The following HOMER1 variants were observed in gnomAD, a reference collection of about 807,000 sequenced individuals.
The protein encoded by HOMER1 is homer scaffold protein 1, also known as homer protein homolog 1.
Under a neutral mutation model 48.9 loss-of-function variants are expected in HOMER1, and 3 were observed. The observed-to-expected ratio is 0.06, with a 90% CI of 0.03 to 0.16. HOMER1 has a LOEUF of 0.16. Among genes scored for constraint, HOMER1 ranks in the 10% least tolerant of loss-of-function variants. The pLI is 1.00. For synonymous variants in HOMER1, 134 were observed against 146.4 expected (o/e 0.92, Z 0.61); for missense variants, 247 against 411.4 (o/e 0.60, Z 3.46).
At chr5:79,444,585 C>T (rs1045355499) in intron 4 of HOMER1, among the ~76,000 whole-genome samples, 6 of 152,092 alleles carry the variant, frequency 3.9e-5, no homozygotes, top group Non-Finnish European at 8.8e-5. Context: ...TCATTCCTTC[C>T]ACCAAAGAGG....
Position 79,440,882 on chromosome 5 carries a change from G to A in HOMER1, c.388-1733C>T, listed in dbSNP as rs542622702. Among the ~76,000 whole-genome samples the A allele has an allele frequency of 8.5e-5, 13 of 152,250 alleles. No individual in the cohort carries two copies. The East Asian group carries it at 1.2e-3, about 14-fold the overall frequency. On this transcript the variant is annotated intron_variant, in intron 4 of 8. Transcript: ENST00000334082. ...GAAATGATAACAGAAACAAGTTACC[G>A]GCCGGGACGTGGTGCCTCACGCCTG...
At chr5:79,447,234 T>A in intron 3 of HOMER1, 89 bp from the exon 4 acceptor site, 1 of 759,608 alleles carries the variant, frequency 1.3e-6, no homozygotes, top group Non-Finnish European at 2.3e-6. Flanking sequence ...ATTTTCTGAA[T>A]AACTGACTCT....
intron 1 of HOMER1, among the ~76,000 whole-genome samples, chr5:79,461,503 G>A (rs1384354921): frequency 1.3e-5 from 2 of 152,164 alleles, no homozygotes; most frequent in Non-Finnish European, 1.5e-5. Flanking sequence ...CAAACACTGT[G>A]TTATATTCTA....
intron 4 of HOMER1, among the ~76,000 whole-genome samples, chr5:79,441,741 A>C (rs1293822872): frequency 6.6e-6 from 1 of 151,964 alleles, no homozygotes; most frequent in Non-Finnish European, 1.5e-5. Context: ...AACAACAAAA[A>C]ATTCCAACAG....
intron 5 of HOMER1, among the ~76,000 whole-genome samples, chr5:79,436,458 A>C (rs1006450184): frequency 6.6e-6 from 1 of 152,238 alleles, no homozygotes; most frequent in Admixed American, 6.5e-5. Flanking sequence ...CTAATGAACT[A>C]TGTGACTTAC....
intron 1 of HOMER1, among the ~76,000 whole-genome samples, chr5:79,462,956 T>C (rs774328621): frequency 1.3e-5 from 2 of 152,214 alleles, no homozygotes; most frequent in South Asian, 2.1e-4. Context: ...TAAGTACAAA[T>C]GGCTACTGCA....
chr5:79,434,990 G>A (rs1387024135), intron 5 of HOMER1, among the ~76,000 whole-genome samples: 4 of 152,170 alleles, frequency 2.6e-5, no homozygotes, highest in Non-Finnish European at 5.9e-5. Flanking sequence ...CACAGTGGAG[G>A]AGGACTAGAT....
At chr5:79,502,164 T>C (rs1752611913) in intron 1 of HOMER1, among the ~76,000 whole-genome samples, 1 of 151,470 alleles carries the variant, frequency 6.6e-6, no homozygotes, top group African/African-American at 2.4e-5. Context: ...GGATTACAAG[T>C]GCACACCACC....
At chr5:79,486,266 A>C (rs1261642610) in intron 1 of HOMER1, among the ~76,000 whole-genome samples, 1 of 152,188 alleles carries the variant, frequency 6.6e-6, no homozygotes, top group African/African-American at 2.4e-5. Flanking sequence ...AAAATTGCAC[A>C]TTTGTAAGCT....
At chr5:79,440,837 G>A (rs1750717570) in intron 4 of HOMER1, among the ~76,000 whole-genome samples, 1 of 152,174 alleles carries the variant, frequency 6.6e-6, no homozygotes, top group African/African-American at 2.4e-5. Context: ...CAGTTAAATT[G>A]GTGAAGATTC....
intron 1 of HOMER1, 78 bp downstream of exon 1, chr5:79,512,692 A>G: frequency 7.1e-7 from 1 of 1,399,588 alleles, no homozygotes; most frequent in Non-Finnish European, 1.0e-6. Context: ...TGAAAACACA[A>G]AACACAATCA....
chr5:79,477,878 C>G (rs1248528162), intron 1 of HOMER1, among the ~76,000 whole-genome samples: 1 of 151,310 alleles, frequency 6.6e-6, no homozygotes, highest in Non-Finnish European at 1.5e-5. Context: ...CAATCATTAT[C>G]CTGGTTTTAT....
chr5:79,459,915 G>A (rs1579997200), intron 1 of HOMER1, among the ~76,000 whole-genome samples: 1 of 152,132 alleles, frequency 6.6e-6, no homozygotes, highest in African/African-American at 2.4e-5. Flanking sequence ...AATGAGGCTA[G>A]AATGAAAAAA....
rs10527802 is a variant in HOMER1, at chr5:79,491,075, CAAAAAAAAAAAAAAA to C, written c.5+21680_5+21694del. On this transcript the variant is annotated intron_variant, in intron 1 of 8. Coordinates refer to ENST00000334082, the MANE Select transcript of HOMER1 (RefSeq NM_004272.5). Reference sequence around the variant, plus strand: ...TTTTTGGCCTTCAGTAGTACCAAAGCAAAAAAAAAAAAAAAAAAAAAAAAAAAAAAAAAAAGCTTG... The same window carrying C: ...TTTTTGGCCTTCAGTAGTACCAAAGCAAAAAAAAAAAAAAAAAAAAGCTTG... Among the ~76,000 whole-genome samples the C allele has an allele frequency of 8.1e-4, 30 of 37,236 alleles. No homozygotes were observed. In the East Asian group the frequency reaches 0.011, roughly 14 times the overall value. The allele number at this position is 37,236 out of a possible 152,430, so 24.4% of individuals were successfully genotyped here.
intron 8 of HOMER1, among the ~76,000 whole-genome samples, chr5:79,389,838 T>C (rs558720103): frequency 1.3e-5 from 2 of 152,098 alleles, no homozygotes; most frequent in African/African-American, 2.4e-5. Context: ...CTAAAACAAA[T>C]GTAGATGATA....
chr5:79,458,179 G>A (rs1751222638), intron 1 of HOMER1, among the ~76,000 whole-genome samples: 1 of 152,034 alleles, frequency 6.6e-6, no homozygotes, highest in African/African-American at 2.4e-5. Flanking sequence ...ATTCTTTACA[G>A]TATGAACAAC....
chr5:79,445,169 C>T (rs1750841846), intron 4 of HOMER1, among the ~76,000 whole-genome samples: 1 of 152,148 alleles, frequency 6.6e-6, no homozygotes, highest in South Asian at 2.1e-4. Flanking sequence ...AATTCCAAGG[C>T]AATTCCTATT....
chr5:79,504,464 T>C (rs1434434834), intron 1 of HOMER1, among the ~76,000 whole-genome samples: 2 of 149,702 alleles, frequency 1.3e-5, no homozygotes, highest in African/African-American at 4.9e-5. Context: ...GCAACTTAAA[T>C]ATTATAATAG....
At chr5:79,387,254 G>A (rs1340025102) in intron 8 of HOMER1, among the ~76,000 whole-genome samples, 3 of 151,916 alleles carry the variant, frequency 2.0e-5, no homozygotes, top group Non-Finnish European at 4.4e-5. Context: ...CAGCTCCTGA[G>A]TAGCTAGGAC....
Sources: gnomAD v4.1 joint callset for allele counts (sites outside exome capture counted in the v4.1 genomes callset) on GRCh38, gnomAD v4.1.1 for gene constraint, MANE v1.5 for transcripts, NCBI Gene and HGNC (gene_info 2026-07-23, HGNC 2026-07-21) for gene names.